Variants in TIAM1 observed in about 807,000 individuals in gnomAD.
The protein encoded by TIAM1 is rho guanine nucleotide exchange factor TIAM1.
A neutral mutation model predicts 163.5 loss-of-function variants in TIAM1; 65 were observed. That is an observed-to-expected ratio of 0.40 (90% CI 0.33 to 0.49). The LOEUF (loss-of-function observed/expected upper bound fraction) is 0.49, where lower values mean the gene tolerates loss of function less well. Ranked by LOEUF, TIAM1 falls within the 20% of genes least tolerant of loss-of-function variation. The pLI is 0.77. For synonymous variants in TIAM1, 833 were observed against 810.1 expected (o/e 1.03, Z -0.48); for missense variants, 1,789 against 2,044.7 (o/e 0.87, Z 2.41).
At chr21:31,333,284 G>A (rs994080742) in intron 2 of TIAM1, among the ~76,000 whole-genome samples, 3 of 152,004 alleles carry the variant, frequency 2.0e-5, no homozygotes, top group Admixed American at 2.0e-4. Context: ...GTTTTTTTCA[G>A]CAGTAAAACT....
At chr21:31,538,123 G>C (rs893147676) in intron 1 of TIAM1, among the ~76,000 whole-genome samples, 1 of 152,182 alleles carries the variant, frequency 6.6e-6, no homozygotes, top group African/African-American at 2.4e-5. Flanking sequence ...AGCATGTTCT[G>C]TTTCTAGATC....
At chr21:31,269,246 G>A (rs990299236) in intron 3 of TIAM1, among the ~76,000 whole-genome samples, 9 of 152,150 alleles carry the variant, frequency 5.9e-5, no homozygotes, top group Admixed American at 1.3e-4. Flanking sequence ...CATGCATCAC[G>A]CTGATGGGTC....
At chr21:31,352,506 A>G (rs1474115528) in intron 2 of TIAM1, among the ~76,000 whole-genome samples, 1 of 151,336 alleles carries the variant, frequency 6.6e-6, no homozygotes, top group Admixed American at 6.6e-5. Flanking sequence ...GATTCCAAAA[A>G]TATCATTTTC....
intron 2 of TIAM1, among the ~76,000 whole-genome samples, chr21:31,399,612 T>A (rs1412197189): frequency 1.3e-5 from 2 of 152,200 alleles, no homozygotes; most frequent in Non-Finnish European, 2.9e-5. Flanking sequence ...GGATTTTGTG[T>A]CTTGAGATAT....
chr21:31,405,858 GA>G (rs1362967126), intron 2 of TIAM1, among the ~76,000 whole-genome samples: 1 of 152,070 alleles, frequency 6.6e-6, no homozygotes, highest in Admixed American at 6.6e-5. Flanking sequence ...ACACAACACA[GA>G]TGGGAGACAT....
At chr21:31,162,926 G>A (rs558806941) in intron 16 of TIAM1, among the ~76,000 whole-genome samples, 115 of 152,206 alleles carry the variant, frequency 7.6e-4, no homozygotes, top group African/African-American at 2.6e-3. Flanking sequence ...AAAGAACCAC[G>A]GAGTCAGAGC....
intron 3 of TIAM1, among the ~76,000 whole-genome samples, chr21:31,273,496 G>C (rs536163774): frequency 1.3e-5 from 2 of 152,084 alleles, no homozygotes; most frequent in African/African-American, 4.8e-5. Context: ...GCACAAAAAC[G>C]GGACAAACTC....
At chr21:31,436,564 T>C (rs972650609) in intron 2 of TIAM1, among the ~76,000 whole-genome samples, 3 of 151,716 alleles carry the variant, frequency 2.0e-5, no homozygotes, top group South Asian at 2.1e-4. Flanking sequence ...GAGGTAGAGG[T>C]TGCAGTGAGC....
At chr21:31,373,365 G>A (rs1213803953) in intron 2 of TIAM1, among the ~76,000 whole-genome samples, 4 of 152,084 alleles carry the variant, frequency 2.6e-5, no homozygotes, top group Admixed American at 6.5e-5. Context: ...TGGGAACAAA[G>A]AGAGGTTTAA....
intron 15 of TIAM1, 110 bp from the exon 16 acceptor site, chr21:31,165,175 G>T: frequency 1.2e-6 from 1 of 866,516 alleles, no homozygotes; most frequent in Non-Finnish European, 1.8e-6. Context: ...TACATATACT[G>T]TAAGACCCTC....
chr21:31,444,861 G>A (rs2044559338), intron 2 of TIAM1, among the ~76,000 whole-genome samples: 1 of 152,132 alleles, frequency 6.6e-6, no homozygotes, highest in Non-Finnish European at 1.5e-5. Flanking sequence ...AGCAATGCAT[G>A]GTCGCACATG....
chr21:31,336,592 G>A (rs1490098322), intron 2 of TIAM1, among the ~76,000 whole-genome samples: 4 of 151,328 alleles, frequency 2.6e-5, no homozygotes, highest in Non-Finnish European at 5.9e-5. Context: ...AGCTCTGACC[G>A]GGTTTTAATC....
chr21:31,194,938 CTT>C (rs2085772398), intron 13 of TIAM1, among the ~76,000 whole-genome samples: 1 of 152,190 alleles, frequency 6.6e-6, no homozygotes, highest in African/African-American at 2.4e-5. Context: ...TATAACTAAA[CTT>C]GTTGTAATTT....
intron 1 of TIAM1, among the ~76,000 whole-genome samples, chr21:31,470,938 G>T (rs1171814690): frequency 6.6e-6 from 1 of 152,172 alleles, no homozygotes; most frequent in Non-Finnish European, 1.5e-5. Flanking sequence ...CCACCCCCGA[G>T]GGGGCAGCTG....
chr21:31,163,970 G>C (rs2084066993), intron 16 of TIAM1, among the ~76,000 whole-genome samples: 1 of 152,084 alleles, frequency 6.6e-6, no homozygotes, highest in Non-Finnish European at 1.5e-5. Context: ...TGCTTTTTTT[G>C]CGGGGGCAGT....
intron 2 of TIAM1, among the ~76,000 whole-genome samples, chr21:31,410,365 A>T (rs938754190): frequency 3.3e-5 from 5 of 151,684 alleles, no homozygotes; most frequent in Admixed American, 6.6e-5. Context: ...TGTGTGAGCA[A>T]CTGTGTGTAA....
intron 15 of TIAM1, among the ~76,000 whole-genome samples, chr21:31,176,659 C>T (rs868457846): frequency 3.9e-5 from 6 of 152,066 alleles, no homozygotes; most frequent in Admixed American, 6.5e-5. Context: ...ATTTTCATTA[C>T]AAAAAAATCT....
At chr21:31,347,664 C>G (rs984263560), upstream of TIAM1, among the ~76,000 whole-genome samples, 28 of 152,258 alleles carry the variant, frequency 1.8e-4, no homozygotes, top group African/African-American at 6.7e-4. Flanking sequence ...TTCTCAAGAT[C>G]GGGATGAACC....
chr21:31,498,382 T>G (rs190544118), intron 1 of TIAM1, among the ~76,000 whole-genome samples: 6 of 152,286 alleles, frequency 3.9e-5, no homozygotes, highest in African/African-American at 1.4e-4. Context: ...GAAGCCAGAC[T>G]GAGAAGATGG....
Sources: gnomAD v4.1 joint callset for allele counts (sites outside exome capture counted in the v4.1 genomes callset) on GRCh38, gnomAD v4.1.1 for gene constraint, MANE v1.5 for transcripts, NCBI Gene and HGNC (gene_info 2026-07-23, HGNC 2026-07-21) for gene names.